Variants in NPLOC4 observed in about 807,000 individuals in gnomAD.
The protein encoded by NPLOC4 is NPL4 homolog, ubiquitin recognition factor, also known as nuclear protein localization protein 4 homolog.
In NPLOC4, 18 loss-of-function variants were observed where a neutral mutation model predicts 80.6. That is an observed-to-expected ratio of 0.22 (90% CI 0.15 to 0.33). The LOEUF (loss-of-function observed/expected upper bound fraction) is 0.33. Ranked by LOEUF, NPLOC4 falls within the 10% of genes least tolerant of loss-of-function variation. The pLI is 1.00. For synonymous variants in NPLOC4, 313 were observed against 301.5 expected (o/e 1.04, Z -0.39); for missense variants, 540 against 786.1 (o/e 0.69, Z 3.74).
At chr17:81,584,717 CCT>C (rs1423618098) in intron 12 of NPLOC4, among the ~76,000 whole-genome samples, 5 of 152,126 alleles carry the variant, frequency 3.3e-5, no homozygotes, top group African/African-American at 1.2e-4. Flanking sequence ...CAAAAATTTA[CCT>C]GTTTCAAACA....
intron 2 of NPLOC4, among the ~76,000 whole-genome samples, chr17:81,625,758 CAAT>C (rs2035779475): frequency 6.7e-6 from 1 of 149,908 alleles, no homozygotes; most frequent in African/African-American, 2.5e-5. Context: ...ATAAATGAAT[CAAT>C]AAAAATAACA....
At chr17:81,587,844 A>G (rs1420500906) in intron 12 of NPLOC4, among the ~76,000 whole-genome samples, 1 of 119,570 alleles carries the variant, frequency 8.4e-6, no homozygotes, top group South Asian at 2.7e-4. Context: ...TATTTTTTGT[A>G]TTTTTTTTTT....
chr17:81,567,370 C>T lies in NPLOC4; in HGVS notation c.1566+47G>A. ...AAAGCAAGACACAGGCGTCTCTTTG[C>T]AGCCAAAGCCCACTTGCTCAAGTGG... On this transcript the variant is annotated intron_variant, in intron 15 of 16. Transcript: ENST00000331134. This position sits in a 1 kb window ranked among gnomAD's most constrained non-coding sequence, Gnocchi z 4.5. 1 of 1,178,602 alleles carries T rather than the reference C, an allele frequency of 8.5e-7. No individual in the cohort carries two copies. The highest frequency in any genetic ancestry group is 1.3e-6 in the Non-Finnish European group (1 of 794,702). The allele number at this position is 1,178,602 out of a possible 1,614,324, so 73.0% of individuals were successfully genotyped here.
intron 16 of NPLOC4, among the ~76,000 whole-genome samples, chr17:81,561,106 T>G (rs1053522044): frequency 3.3e-5 from 5 of 152,086 alleles, no homozygotes; most frequent in African/African-American, 4.8e-5. Context: ...TACAGGCACG[T>G]GCCACCACAC....
rs1330018213 is a variant in NPLOC4 at position 81,557,396 on chromosome 17, T to C, written c.*1863A>G. ...AAAAGACAAAAGAAAACATGAATGA[T>C]GTGAATGCCGGAACTTCAGAGTAAG... On this transcript the variant is annotated 3_prime_UTR_variant, in exon 17 of 17. Coordinates refer to ENST00000331134, the MANE Select transcript of NPLOC4 (RefSeq NM_017921.4). The C allele has an allele frequency of 1.3e-5, 2 of 152,408 alleles. No individual in the cohort carries two copies. The highest frequency in any genetic ancestry group is 2.4e-5 in the African/African-American group (1 of 41,446). The allele number at this position is 152,408 out of a possible 1,614,324, so 9.4% of individuals were successfully genotyped here. A position where few individuals can be genotyped will look rare whatever the true frequency, so the allele number is the denominator to read the frequency against.
chr17:81,583,788 C>G (rs746617172), intron 12 of NPLOC4, among the ~76,000 whole-genome samples: 4 of 152,196 alleles, frequency 2.6e-5, no homozygotes, highest in Non-Finnish European at 5.9e-5. Context: ...TCCTGAAGGA[C>G]AGTCAGGAAG....
At chr17:81,616,784 T>C (rs1242724703) in intron 3 of NPLOC4, among the ~76,000 whole-genome samples, 1 of 150,460 alleles carries the variant, frequency 6.6e-6, no homozygotes, top group Non-Finnish European at 1.5e-5. Flanking sequence ...GGCAGAGACA[T>C]AATTAACAGA....
chr17:81,594,772 C>A (rs2034850831), intron 11 of NPLOC4, among the ~76,000 whole-genome samples: 1 of 147,112 alleles, frequency 6.8e-6, no homozygotes, highest in Admixed American at 7.0e-5. Context: ...GACTCCGTCT[C>A]TAGGGAAAAA....
At chr17:81,627,675 G>A (rs902189384) in intron 2 of NPLOC4, among the ~76,000 whole-genome samples, 2 of 152,136 alleles carry the variant, frequency 1.3e-5, no homozygotes, top group African/African-American at 4.8e-5. Flanking sequence ...GGCTGAGGCA[G>A]GAGAATTGCT....
intron 6 of NPLOC4, 56 bp downstream of exon 6, chr17:81,608,672 C>G: frequency 7.6e-7 from 1 of 1,322,698 alleles, no homozygotes. Flanking sequence ...TAAGCAACAA[C>G]TGCCAGCTAC....
intron 4 of NPLOC4, among the ~76,000 whole-genome samples, chr17:81,610,727 T>C (rs1598664498): frequency 1.0e-5 from 1 of 95,494 alleles, no homozygotes; most frequent in South Asian, 2.9e-4. Context: ...CCGAGGCGGG[T>C]GGATCATGAG....
chr17:81,561,549 A>AC (rs1328338151), intron 16 of NPLOC4, among the ~76,000 whole-genome samples: 1 of 152,140 alleles, frequency 6.6e-6, no homozygotes, highest in Admixed American at 6.5e-5. Context: ...ATCTTTGCGT[A>AC]CCCCAAGGCC....
chr17:81,577,110 G>C lies in NPLOC4; in HGVS notation c.1282-5022C>G, dbSNP rs187637094. Among the ~76,000 whole-genome samples, 412 of 152,278 alleles carry C rather than the reference G, an allele frequency of 2.7e-3. 4 individuals are homozygous for C. The highest frequency in any genetic ancestry group is 1.8e-3 in the Non-Finnish European group (123 of 68,024). On this transcript the variant is annotated intron_variant, in intron 12 of 16. Transcript: ENST00000331134. The surrounding 1 kb of genome is among the most constrained non-coding windows in gnomAD (Gnocchi z 4.3). ...GCTGAGTAAGCAATGCCTGGCCACA[G>C]CAAGGGGCAGTGGGTTCCTCAGAGA...
chr17:81,618,345 C>T (rs1201531952), intron 3 of NPLOC4, among the ~76,000 whole-genome samples: 1 of 150,838 alleles, frequency 6.6e-6, no homozygotes, highest in East Asian at 2.0e-4. Context: ...TCTGCCTGGC[C>T]GCGACCCCGT....
In NPLOC4 at chr17:81,569,005, A is replaced by C. The variant is rs2034087167; in HGVS notation, c.1449+11T>G. ...TACCTTAAATTATGTTTCTAAAGAC[A>C]AAGAGCTCACCTGTGTCTCACCCAA... On this transcript the variant is annotated intron_variant, in intron 14 of 16. Coordinates refer to ENST00000331134, the MANE Select transcript of NPLOC4 (RefSeq NM_017921.4). 6.5e-7 allele frequency: 1 copy of C among 1,544,886 alleles called. No homozygotes were observed. Among genetic ancestry groups the C allele is most frequent in the Non-Finnish European group, 8.9e-7 (1 of 1,119,764 alleles).
At chr17:81,619,879 A>G (rs1331567480) in intron 3 of NPLOC4, among the ~76,000 whole-genome samples, 1 of 139,788 alleles carries the variant, frequency 7.2e-6, no homozygotes, top group Non-Finnish European at 1.6e-5. Context: ...ACTCCGTCTC[A>G]AAAAAAAAAA....
chr17:81,623,024 G>A lies in NPLOC4; in HGVS notation c.97-746C>T, dbSNP rs368564494. ...AGCCTGACCAACATGGTGAATCCCCGTTTCTACTAAAACTACAAAATTAGC... is the reference window on the plus strand; with the variant it reads ...AGCCTGACCAACATGGTGAATCCCCATTTCTACTAAAACTACAAAATTAGC... On this transcript the variant is annotated intron_variant, in intron 2 of 16. Transcript: ENST00000331134. 7.6e-4 allele frequency among the ~76,000 whole-genome samples: 115 copies of A among 151,560 alleles called. No individual in the cohort carries two copies. In the Middle Eastern group the frequency reaches 0.01, roughly 13 times the overall value.
At chr17:81,634,638 T>G (rs2036019763) in intron 1 of NPLOC4, among the ~76,000 whole-genome samples, 1 of 150,300 alleles carries the variant, frequency 6.7e-6, no homozygotes, top group South Asian at 2.1e-4. Context: ...CAGGCTGGAG[T>G]GCAGTGGCGC....
Position 81,572,215 on chromosome 17 carries a change from G to A in NPLOC4, c.1282-127C>T. ...TTATTTATTTATTTTTTGAGACAGA[G>A]TCTTGTGCTGTCGCCCAGGCTGGAA... On this transcript the variant is annotated intron_variant, in intron 12 of 16. Coordinates refer to ENST00000331134, the MANE Select transcript of NPLOC4 (RefSeq NM_017921.4). This position sits in a 1 kb window ranked among gnomAD's most constrained non-coding sequence, Gnocchi z 4.5. The A allele has an allele frequency of 2.5e-6, 1 of 392,220 alleles. No homozygotes were observed. The highest frequency in any genetic ancestry group is 4.0e-6 in the Non-Finnish European group (1 of 248,274). The allele number at this position is 392,220 out of a possible 1,614,324, so 24.3% of individuals were successfully genotyped here.
Sources: allele counts gnomAD v4.1 joint callset (sites outside exome capture counted in the v4.1 genomes callset), GRCh38; gene constraint gnomAD v4.1.1; non-coding constraint Gnocchi (gnomAD v3.1); transcripts MANE v1.5; gene names NCBI Gene and HGNC (gene_info 2026-07-23, HGNC 2026-07-21).